MAP3K11: variants seen among roughly 807,000 people sequenced by gnomAD.
MAP3K11 encodes mitogen-activated protein kinase kinase kinase 11.
Under a neutral mutation model 84.9 loss-of-function variants are expected in MAP3K11, and 46 were observed. The observed-to-expected ratio is 0.54, with a 90% CI of 0.43 to 0.69. MAP3K11 has a LOEUF of 0.69. Among genes scored for constraint, MAP3K11 ranks in the 30% least tolerant of loss-of-function variants. The pLI is 0.00. For synonymous variants in MAP3K11, 527 were observed against 514.7 expected (o/e 1.02, Z -0.32); for missense variants, 1,053 against 1,198.3 (o/e 0.88, Z 1.79).
chr11:65,613,383 A>G lies in MAP3K11; in HGVS notation c.374T>C (p.Ile125Thr). Residue 125 changes from isoleucine to threonine, a missense_variant, in exon 1 of 10, where the codon ATT becomes ACT. Physicochemically the swap from Ile to Thr is moderately conservative, Grantham distance 89. This residue lies in a region of MAP3K11 where 310 missense variants were observed against 464.5 expected (regional missense o/e 0.67). Transcript: ENST00000309100. ...CCTGTACACCTTGCCAAAGCCTCCA[A>G]TGCCGATCACCTCCTCCAGCCGCAG... Reference protein sequence around the residue: ...QELRLEEVIGIGGFGKVYRGS... With the variant: ...QELRLEEVIGTGGFGKVYRGS... 2 of 1,612,764 alleles carry G rather than the reference A, an allele frequency of 1.2e-6. No homozygotes were observed. Among genetic ancestry groups the G allele is most frequent in the South Asian group, 1.1e-5 (1 of 91,064 alleles).
At chr11:65,605,190 A>G (rs1854494072) in intron 8 of MAP3K11, among the ~76,000 whole-genome samples, 1 of 152,144 alleles carries the variant, frequency 6.6e-6, no homozygotes, top group Admixed American at 6.5e-5. Context: ...AATGCCTGGC[A>G]CAGTAGGGCA....
At chr11:65,605,641 C>T (rs550353076) in intron 8 of MAP3K11, 120 bp downstream of exon 8, 218 of 691,098 alleles carry the variant, frequency 3.2e-4, no homozygotes, top group Non-Finnish European at 4.4e-4. Context: ...GTTTCCTAGT[C>T]TCTAGAATGA....
At position 65,613,422 on chromosome 11, in the gene MAP3K11, G is replaced by C. The variant is rs1176818556; in HGVS notation, c.335C>G (p.Ala112Gly). 6.2e-7 allele frequency: 1 copy of C among 1,612,432 alleles called. No homozygotes were observed. Among genetic ancestry groups the C allele is most frequent in the African/African-American group, 1.3e-5 (1 of 75,034 alleles). ...CTCCAGCCGCAGCTCCTGGAAGCTGGCCACCTCGCAGGGGGGCGGGCCGCC... is the reference window on the plus strand; with the variant it reads ...CTCCAGCCGCAGCTCCTGGAAGCTGCCCACCTCGCAGGGGGGCGGGCCGCC... ...RGGGPPPCEV[A>G]SFQELRLEEV... The change falls in exon 1 of 10, where the codon GCC becomes GGC. Residue 112 changes from alanine (A) to glycine (G), a missense_variant. Physicochemically the swap from Ala to Gly is moderately conservative, Grantham distance 60. Coordinates refer to ENST00000309100, the MANE Select transcript of MAP3K11 (RefSeq NM_002419.4).
At chr11:65,602,142 A>C (rs1276351447) in intron 8 of MAP3K11, among the ~76,000 whole-genome samples, 1 of 142,820 alleles carries the variant, frequency 7.0e-6, no homozygotes, top group Non-Finnish European at 1.5e-5. Context: ...GGCGGAGGTT[A>C]CAGTGAGCCG....
At chr11:65,602,151 C>T (rs190434670) in intron 8 of MAP3K11, among the ~76,000 whole-genome samples, 1 of 145,632 alleles carries the variant, frequency 6.9e-6, no homozygotes, top group African/African-American at 2.6e-5. Flanking sequence ...TACAGTGAGC[C>T]GAGATCCCGC....
chr11:65,599,326 A>AGCC lies in MAP3K11; in HGVS notation c.2206+65_2206+67dup. 2.1e-6 allele frequency: 3 copies of AGCC among 1,463,026 alleles called. No homozygotes were observed. The South Asian group carries it at 4.2e-5, about 20-fold the overall frequency. 90.6% of individuals were successfully genotyped at this position (1,463,026 alleles called of 1,614,324 possible). Reference sequence around the variant, plus strand: ...CCTTGCCTCCTTGCATGTCCCCACCAGCCACTCCTCCCTCCCTGGGAACCC... The same window carrying AGCC: ...CCTTGCCTCCTTGCATGTCCCCACCAGCCGCCACTCCTCCCTCCCTGGGAACCC... On this transcript the variant is annotated intron_variant, in intron 9 of 9. Transcript: ENST00000309100.
At chr11:65,607,043 T>G in intron 5 of MAP3K11, 1 of 694,176 alleles carries the variant, frequency 1.4e-6, no homozygotes, top group South Asian at 2.2e-5. Context: ...TCCCAGAACT[T>G]TCGTGAACCC....
intron 5 of MAP3K11, 71 bp from the exon 6 acceptor site, chr11:65,606,875 G>A: frequency 3.1e-6 from 3 of 976,578 alleles, no homozygotes; most frequent in Non-Finnish European, 4.8e-6. Context: ...AACCTGCAGG[G>A]GCCCAAGGCC....
intron 1 of MAP3K11, chr11:65,611,767 CAG>C (rs1356683044): frequency 3.9e-5 from 6 of 152,330 alleles, no homozygotes; most frequent in African/African-American, 1.4e-4. Flanking sequence ...GGAGGAAAAA[CAG>C]AAGATGGGAG....
chr11:65,603,946 TCA>T lies in MAP3K11; in HGVS notation c.1831+1813_1831+1814del, dbSNP rs368386071. ...TGTATCCCTGGGGGCTGCGGCTCTC[TCA>T]GTTTGCAGGGGCTGGACCAAGAAAG... is the stretch of plus-strand genomic sequence containing the variant. On this transcript the variant is annotated intron_variant, in intron 8 of 9. Transcript: ENST00000309100. Among the ~76,000 whole-genome samples, 276 of 152,352 alleles carry T rather than the reference TCA, an allele frequency of 1.8e-3. 6 individuals carry two copies. In the South Asian group the frequency reaches 0.053, roughly 29 times the overall value.
At chr11:65,608,599 C>T in intron 1 of MAP3K11, 151 bp from the exon 2 acceptor site, 1 of 617,268 alleles carries the variant, frequency 1.6e-6, no homozygotes, top group East Asian at 2.8e-5. Flanking sequence ...TACTTGAGGT[C>T]AGACATTTCT....
At chr11:65,600,010 C>T (rs897516657) in intron 8 of MAP3K11, among the ~76,000 whole-genome samples, 4 of 152,240 alleles carry the variant, frequency 2.6e-5, no homozygotes, top group African/African-American at 7.2e-5. Context: ...TGGCAGCCAG[C>T]GACCCCAGAC....
intron 5 of MAP3K11, 68 bp from the exon 6 acceptor site, chr11:65,606,872 AG>A: frequency 9.9e-7 from 1 of 1,006,322 alleles, no homozygotes; most frequent in Non-Finnish European, 1.5e-6. Context: ...CCCAACCTGC[AG>A]GGGCCCAAGG....
chr11:65,598,664 C>A, intron 9 of MAP3K11, 36 bp from the exon 10 acceptor site: 2 of 1,416,662 alleles, frequency 1.4e-6, no homozygotes, highest in South Asian at 1.5e-5. Flanking sequence ...GGTCAAGCAA[C>A]CCCCAACTGC....
At chr11:65,603,305 T>C (rs2135365998) in intron 8 of MAP3K11, among the ~76,000 whole-genome samples, 1 of 152,344 alleles carries the variant, frequency 6.6e-6, no homozygotes, top group Non-Finnish European at 1.5e-5. Context: ...CTCTGTTGTT[T>C]AGGAGAAAGC....
At chr11:65,599,201 C>G (rs1854420756) in intron 9 of MAP3K11, among the ~76,000 whole-genome samples, 193 bp downstream of exon 9, 1 of 152,190 alleles carries the variant, frequency 6.6e-6, no homozygotes, top group South Asian at 2.1e-4. Flanking sequence ...CCCCACCTGC[C>G]TGGACCACCT....
Position 65,607,784 on chromosome 11 carries a change from C to T in MAP3K11, c.1102G>A (p.Asp368Asn). 2.5e-6 allele frequency: 4 copies of T among 1,612,804 alleles called. No individual in the cohort carries two copies. Among genetic ancestry groups the T allele is most frequent in the Non-Finnish European group, 3.4e-6 (4 of 1,179,570 alleles). Residue 368 changes from aspartate to asparagine, a missense_variant, in exon 4 of 10, where the codon GAC becomes AAC. By Grantham distance (23) the Asp-to-Asn change is conservative (BLOSUM62 1). Coordinates refer to ENST00000309100, the MANE Select transcript of MAP3K11 (RefSeq NM_002419.4). ...CWAQDPHRRPDFASILQQLEA... is the reference protein window; with the variant it reads ...CWAQDPHRRPNFASILQQLEA... ...AACTGCTGCAGGATGGAGGCGAAGTCGGGCCTGCGGTGGGGGTCCTGCGCC... is the reference window on the plus strand; with the variant it reads ...AACTGCTGCAGGATGGAGGCGAAGTTGGGCCTGCGGTGGGGGTCCTGCGCC...
At chr11:65,603,089 T>G (rs1854472357) in intron 8 of MAP3K11, among the ~76,000 whole-genome samples, 1 of 152,040 alleles carries the variant, frequency 6.6e-6, no homozygotes, top group Non-Finnish European at 1.5e-5. Flanking sequence ...GGTAACAGAA[T>G]GAGACTCTAT....
rs1003478674 is a variant in MAP3K11 at position 65,605,799 on chromosome 11, G to A, written c.1793C>T (p.Ser598Phe). The change falls in exon 8 of 10, where the codon TCC becomes TTC. Residue 598 changes from serine (S) to phenylalanine (F), a missense_variant. By Grantham distance (155) the Ser-to-Phe change is radical (BLOSUM62 -2). Around this residue, in one of 3 missense-constraint regions of MAP3K11, gnomAD observed 583 missense variants for 566.6 expected, o/e 1.03. Transcript: ENST00000309100. ...GGGTGTGGAAGGAGATCCTAAGGGG[G>A]ATGAGTCATCTGAATCCAGGTACCA... is the stretch of plus-strand genomic sequence containing the variant. The part of the protein sequence containing the change: ...ATWYLDSDDS[S>F]PLGSPSTPPA... 3.1e-6 allele frequency: 5 copies of A among 1,612,896 alleles called. No homozygotes were observed. In the East Asian group the frequency reaches 6.7e-5, roughly 22 times the overall value.
Sources: allele counts gnomAD v4.1 joint callset (sites outside exome capture counted in the v4.1 genomes callset), GRCh38; gene constraint gnomAD v4.1.1; regional missense constraint gnomAD v4.1.1; transcripts MANE v1.5; gene names NCBI Gene and HGNC (gene_info 2026-07-23, HGNC 2026-07-21).